UBL3: variants seen among roughly 807,000 people sequenced by gnomAD.
UBL3 encodes the protein ubiquitin-like protein 3.
Under a neutral mutation model 18.4 loss-of-function variants are expected in UBL3, and 6 were observed. That is an observed-to-expected ratio of 0.33 (90% CI 0.18 to 0.64). The LOEUF is 0.64. Among genes scored for constraint, UBL3 ranks in the 30% least tolerant of loss-of-function variants. The pLI is 0.76. For synonymous variants in UBL3, 49 were observed against 46.6 expected, an observed-to-expected ratio of 1.05 and a Z score of -0.21; for missense variants, 109 against 142.9, an observed-to-expected ratio of 0.76 and a Z score of 1.21.
intron 1 of UBL3, among the ~76,000 whole-genome samples, chr13:29,796,015 T>C (rs1294987602): frequency 1.3e-5 from 2 of 152,012 alleles, no homozygotes; most frequent in African/African-American, 2.4e-5. Context: ...TATTGTTCGG[T>C]TCTTATAATT....
intron 1 of UBL3, among the ~76,000 whole-genome samples, chr13:29,778,173 G>T (rs1045138970): frequency 3.3e-5 from 5 of 152,232 alleles, no homozygotes; most frequent in Non-Finnish European, 7.4e-5. Flanking sequence ...GGGGAGTAAG[G>T]TAGGACACAT....
chr13:29,835,507 C>T (rs911621674), intron 1 of UBL3, among the ~76,000 whole-genome samples: 10 of 151,596 alleles, frequency 6.6e-5, no homozygotes, highest in African/African-American at 2.4e-4. Flanking sequence ...GTGGGTGGCT[C>T]CCACTTTGGG....
intron 1 of UBL3, among the ~76,000 whole-genome samples, chr13:29,823,760 G>T (rs1878540700): frequency 6.6e-6 from 1 of 151,930 alleles, no homozygotes; most frequent in Non-Finnish European, 1.5e-5. Context: ...TGCGCACAAT[G>T]TGCAGGTTAC....
rs1015827948 is a variant in UBL3 at position 29,821,129 on chromosome 13, T to C, written c.27+28383A>G. 9.9e-5 allele frequency among the ~76,000 whole-genome samples: 15 copies of C among 152,272 alleles called. No homozygotes were observed. The East Asian group carries it at 1.5e-3, about 16-fold the overall frequency. On this transcript the variant is annotated intron_variant, in intron 1 of 4. Coordinates refer to ENST00000380680, the MANE Select transcript of UBL3 (RefSeq NM_007106.4). ...AAACAGTGCCCACCTGGGCACTCAA[T>C]AGATGCCAGCAACTGGTATTTCACT...
intron 1 of UBL3, among the ~76,000 whole-genome samples, chr13:29,812,833 T>A (rs1878130691): frequency 6.6e-6 from 1 of 152,068 alleles, no homozygotes; most frequent in Non-Finnish European, 1.5e-5. Flanking sequence ...GGTAAAACAC[T>A]ATCAATAATT....
At chr13:29,831,633 T>TA (rs1456603252) in intron 1 of UBL3, among the ~76,000 whole-genome samples, 1 of 148,760 alleles carries the variant, frequency 6.7e-6, no homozygotes, top group African/African-American at 2.5e-5. Flanking sequence ...AGCTTGATTA[T>TA]ATGTCTTTCT....
rs1876710911 is a variant in UBL3 at position 29,767,167 on chromosome 13, GA to G, written c.*87del. ...CATGTGTTTACAGGCAGACTGTTCT[GA>G]ACGGTTTCTGAAGCAATGTCGGGTC... On this transcript the variant is annotated 3_prime_UTR_variant, in exon 5 of 5. Coordinates refer to ENST00000380680, the MANE Select transcript of UBL3 (RefSeq NM_007106.4). 2.1e-6 allele frequency: 3 copies of G among 1,459,112 alleles called. No homozygotes were observed. The highest frequency in any genetic ancestry group is 2.9e-6 in the Non-Finnish European group (3 of 1,047,462). 90.4% of individuals were successfully genotyped at this position (1,459,112 alleles called of 1,614,324 possible). A position where few individuals can be genotyped will look rare whatever the true frequency, so the allele number is the denominator to read the frequency against.
intron 1 of UBL3, among the ~76,000 whole-genome samples, chr13:29,778,660 A>G (rs1190122670): frequency 1.3e-5 from 2 of 152,198 alleles, no homozygotes; most frequent in African/African-American, 2.4e-5. Context: ...TCTACAATGA[A>G]TAAATTGGTG....
At chr13:29,797,204 A>G (rs1877635756) in intron 1 of UBL3, among the ~76,000 whole-genome samples, 1 of 152,174 alleles carries the variant, frequency 6.6e-6, no homozygotes, top group African/African-American at 2.4e-5. Context: ...TGTCTCCCCA[A>G]TGAAACTGTA....
At chr13:29,797,687 C>T (rs890265513) in intron 1 of UBL3, among the ~76,000 whole-genome samples, 10 of 152,164 alleles carry the variant, frequency 6.6e-5, no homozygotes, top group Non-Finnish European at 1.3e-4. Flanking sequence ...CATGTAAGTT[C>T]TAAGTCTTAA....
intron 1 of UBL3, among the ~76,000 whole-genome samples, chr13:29,779,615 G>T (rs1253167792): frequency 3.9e-5 from 6 of 152,076 alleles, no homozygotes; most frequent in African/African-American, 1.4e-4. Flanking sequence ...TATGGAAATG[G>T]GAAAATAAAT....
At chr13:29,769,722 C>T (rs965258055) in intron 3 of UBL3, among the ~76,000 whole-genome samples, 14 of 152,202 alleles carry the variant, frequency 9.2e-5, no homozygotes, top group African/African-American at 3.4e-4. Context: ...TCACACCTTT[C>T]CTTTAATGAA....
At chr13:29,826,166 T>C (rs1878613596) in intron 1 of UBL3, among the ~76,000 whole-genome samples, 1 of 152,178 alleles carries the variant, frequency 6.6e-6, no homozygotes, top group African/African-American at 2.4e-5. Flanking sequence ...TCCTTTTTTG[T>C]TGTGTACTCT....
intron 1 of UBL3, among the ~76,000 whole-genome samples, chr13:29,846,295 CTT>C (rs1408516183): frequency 1.3e-5 from 2 of 152,074 alleles, no homozygotes; most frequent in Non-Finnish European, 2.9e-5. Context: ...CTCAATCACT[CTT>C]AGCAAAGAAA....
Position 29,767,253 on chromosome 13 carries a change from G to A in UBL3, c.*2C>T. On this transcript the variant is annotated 3_prime_UTR_variant, in exon 5 of 5. Transcript: ENST00000380680. ...TATCACATCACACTAGGCAGACAGT[G>A]TTTACAGGATTACACAACAATTACT... is the stretch of plus-strand genomic sequence containing the variant. 1.2e-6 allele frequency: 2 copies of A among 1,613,030 alleles called. No homozygotes were observed. Among genetic ancestry groups the A allele is most frequent in the Non-Finnish European group, 1.7e-6 (2 of 1,179,232 alleles).
At chr13:29,814,000 G>C (rs1260218533) in intron 1 of UBL3, among the ~76,000 whole-genome samples, 1 of 152,110 alleles carries the variant, frequency 6.6e-6, no homozygotes, top group Non-Finnish European at 1.5e-5. Flanking sequence ...ATAATGTTCA[G>C]AGTTACAAAA....
intron 1 of UBL3, among the ~76,000 whole-genome samples, chr13:29,819,784 G>A (rs1401403972): frequency 1.3e-5 from 2 of 151,302 alleles, no homozygotes; most frequent in African/African-American, 2.4e-5. Context: ...CCACACCACC[G>A]CCCCCACCCC....
chr13:29,797,848 C>G lies in UBL3; in HGVS notation c.28-20585G>C, dbSNP rs528008415. On this transcript the variant is annotated intron_variant, in intron 1 of 4. Coordinates refer to ENST00000380680, the MANE Select transcript of UBL3 (RefSeq NM_007106.4). ...CATGAAATCTGCCAAACATTTAGGT[C>G]TGTAAATCCATGAGGATTACTTAAA... 8.5e-5 allele frequency among the ~76,000 whole-genome samples: 13 copies of G among 152,262 alleles called. No homozygotes were observed. The East Asian group carries it at 2.5e-3, about 29-fold the overall frequency.
At chr13:29,781,241 T>A (rs1274230427) in intron 1 of UBL3, among the ~76,000 whole-genome samples, 1 of 152,198 alleles carries the variant, frequency 6.6e-6, no homozygotes, top group Non-Finnish European at 1.5e-5. Context: ...AGCAGAACTC[T>A]GGTTATATTT....
Sources: allele counts gnomAD v4.1 joint callset (sites outside exome capture counted in the v4.1 genomes callset), GRCh38; gene constraint gnomAD v4.1.1; transcripts MANE v1.5; gene names NCBI Gene and HGNC (gene_info 2026-07-23, HGNC 2026-07-21).